The following NCAN variants were observed in gnomAD, a reference collection of about 807,000 sequenced individuals.
NCAN encodes the protein neurocan.
Under a neutral mutation model 121.8 loss-of-function variants are expected in NCAN, and 47 were observed. That is an observed-to-expected ratio of 0.39 (90% CI 0.31 to 0.49). NCAN has a LOEUF of 0.49. Among genes scored for constraint, NCAN ranks in the 20% least tolerant of loss-of-function variants. NCAN has a pLI of 0.92. For synonymous variants in NCAN, 633 were observed against 702.0 expected (o/e 0.90, Z 1.55); for missense variants, 1,517 against 1,773.4 (o/e 0.86, Z 2.60).
At chr19:19,214,403 G>A (rs2060788606) in intron 1 of NCAN, among the ~76,000 whole-genome samples, 1 of 152,204 alleles carries the variant, frequency 6.6e-6, no homozygotes, top group African/African-American at 2.4e-5. Context: ...AGAGAAGGGT[G>A]TGGGTGTGTG....
At chr19:19,234,143 G>C (rs2146548730) in intron 9 of NCAN, among the ~76,000 whole-genome samples, 2 of 152,270 alleles carry the variant, frequency 1.3e-5, no homozygotes, top group South Asian at 4.1e-4. Flanking sequence ...TCAGAGGTGG[G>C]AAGGAAAAGA....
intron 9 of NCAN, 77 bp downstream of exon 9, chr19:19,233,982 C>T: frequency 3.3e-6 from 3 of 905,090 alleles, no homozygotes; most frequent in Admixed American, 2.0e-5. Context: ...AGCAGCCATG[C>T]CCTCAGAATT....
Position 19,223,041 on chromosome 19 carries a change from G to A in NCAN, c.476-980G>A, listed in dbSNP as rs555175689. ...GGAGAATGGTGTGAACCCGGGAGGC[G>A]GAGCTTGCAGTGAGCTGAGATCGCG... On this transcript the variant is annotated intron_variant, in intron 3 of 14. Transcript: ENST00000252575. 3.2e-4 allele frequency among the ~76,000 whole-genome samples: 48 copies of A among 152,182 alleles called. No individual in the cohort carries two copies. The East Asian group carries it at 8.7e-3, about 28-fold the overall frequency.
chr19:19,216,186 T>C (rs2060795249), intron 1 of NCAN, among the ~76,000 whole-genome samples: 1 of 152,166 alleles, frequency 6.6e-6, no homozygotes, highest in Non-Finnish European at 1.5e-5. Flanking sequence ...TCTCGCGCTG[T>C]CACCCAGGCT....
intron 12 of NCAN, among the ~76,000 whole-genome samples, chr19:19,241,756 G>C (rs1179845775): frequency 1.3e-5 from 2 of 151,922 alleles, no homozygotes; most frequent in Non-Finnish European, 2.9e-5. Flanking sequence ...ATACCCAGAA[G>C]AATTGAAAAC....
At position 19,227,564 on chromosome 19, in the gene NCAN, C is replaced by T. The variant is rs2146543654; in HGVS notation, c.1944C>T (p.Thr648=). ...AAGAGTGGATGCTACCACACCCCACCCCCATCTCCACCGAGGCCAATAGAG... is the reference window on the plus strand; with the variant it reads ...AAGAGTGGATGCTACCACACCCCACTCCCATCTCCACCGAGGCCAATAGAG... ...GPKEWMLPHP[T]PISTEANRVE... is the part of the protein sequence containing the mutation. Residue 648 remains threonine (T), a synonymous_variant, in exon 8 of 15, where the codon ACC becomes ACT. Coordinates refer to ENST00000252575, the MANE Select transcript of NCAN (RefSeq NM_004386.3). This position sits in a 1 kb window ranked among gnomAD's most constrained non-coding sequence, Gnocchi z 4.2. The T allele has an allele frequency of 6.2e-7, 1 of 1,613,922 alleles. No individual in the cohort carries two copies. The highest frequency in any genetic ancestry group is 1.6e-4 in the Middle Eastern group (1 of 6,062).
intron 14 of NCAN, 33 bp downstream of exon 14, chr19:19,248,915 G>A: frequency 6.2e-7 from 1 of 1,603,692 alleles, no homozygotes; most frequent in Non-Finnish European, 8.5e-7. Flanking sequence ...CTCAACATAG[G>A]TTTTTGGTAT....
Position 19,234,984 on chromosome 19 carries a change from C to T in NCAN, c.3138C>T (p.Asp1046=). 2 of 1,605,252 alleles carry T rather than the reference C, an allele frequency of 1.2e-6. No individual in the cohort carries two copies. The highest frequency in any genetic ancestry group is 1.1e-5 in the South Asian group (1 of 90,508). ...QGFAGENCEI[D]IDDCLCSPCE... is the part of the protein sequence containing the mutation. ...TCAGTCTCTTCCCCTCTCTGCCAGA[C>T]ATTGATGACTGCCTCTGCAGCCCCT... Residue 1046 remains aspartate (D), a splice_region_variant and synonymous_variant, in exon 10 of 15, where the codon GAC becomes GAT. Coordinates refer to ENST00000252575, the MANE Select transcript of NCAN (RefSeq NM_004386.3).
chr19:19,219,920 G>C lies in NCAN; in HGVS notation c.475+604G>C, dbSNP rs370084698. Among the ~76,000 whole-genome samples, 16 of 151,608 alleles carry C rather than the reference G, an allele frequency of 1.1e-4. 1 individual carries two copies. The South Asian group carries it at 1.7e-3, about 16-fold the overall frequency. ...TGCATGCCTGTGATCCCAGCTACTT[G>C]GGAGGCTGAGGCAGGAGAACTGCTT... On this transcript the variant is annotated intron_variant, in intron 3 of 14. Coordinates refer to ENST00000252575, the MANE Select transcript of NCAN (RefSeq NM_004386.3).
chr19:19,238,331 A>G lies in NCAN; in HGVS notation c.3329A>G (p.Glu1110Gly). The G allele has an allele frequency of 6.2e-7, 1 of 1,614,188 alleles. No individual in the cohort carries two copies. The highest frequency in any genetic ancestry group is 1.1e-5 in the South Asian group (1 of 91,086). ...TATTTTGCCCACCGGAGGGCATGGGAAGATGCCGAGAAGGACTGCCGCCGC... is the reference window on the plus strand; with the variant it reads ...TATTTTGCCCACCGGAGGGCATGGGGAGATGCCGAGAAGGACTGCCGCCGC... ...YRYFAHRRAWEDAEKDCRRRS... is the reference protein window; with the variant it reads ...YRYFAHRRAWGDAEKDCRRRS... The change falls in exon 11 of 15, where the codon GAA becomes GGA. Residue 1110 changes from glutamate (E) to glycine (G), a missense_variant. Transcript: ENST00000252575.
rs569628000 is a variant in NCAN at position 19,228,437 on chromosome 19, C to A, written c.2817C>A (p.Gly939=). The A allele has an allele frequency of 6.2e-7, 1 of 1,613,640 alleles. No homozygotes were observed. The highest frequency in any genetic ancestry group is 1.3e-5 in the African/African-American group (1 of 75,030). The part of the protein sequence containing the change: ...PPGTPTAASV[G]ESASVSSGEP... ...GGACACCGACTGCAGCCAGTGTGGG[C>A]GAGTCTGCCTCAGTTTCCTCAGGGG... is the stretch of plus-strand genomic sequence containing the variant. The change falls in exon 8 of 15, where the codon GGC becomes GGA. Residue 939 remains glycine, a synonymous_variant. Coordinates refer to ENST00000252575, the MANE Select transcript of NCAN (RefSeq NM_004386.3).
In NCAN at chr19:19,225,188, G is replaced by A. The variant is rs767960740; in HGVS notation, c.990G>A (p.Pro330=). The A allele has an allele frequency of 9.0e-6, 14 of 1,553,064 alleles. No individual in the cohort carries two copies. Among genetic ancestry groups the A allele is most frequent in the Non-Finnish European group, 9.5e-6 (11 of 1,160,764 alleles). The change falls in exon 6 of 15, where the codon CCG becomes CCA. Residue 330 remains proline, a synonymous_variant. Coordinates refer to ENST00000252575, the MANE Select transcript of NCAN (RefSeq NM_004386.3). This position sits in a 1 kb window ranked among gnomAD's most constrained non-coding sequence, Gnocchi z 4.0. ...TPRRRCGGPA[P]GVRTVYRFAN... ...GCCGGCGCTGCGGGGGCCCAGCCCCGGGCGTGCGCACCGTCTACCGCTTCG... is the reference window on the plus strand; with the variant it reads ...GCCGGCGCTGCGGGGGCCCAGCCCCAGGCGTGCGCACCGTCTACCGCTTCG...
In NCAN at chr19:19,227,846, G is replaced by C. The variant is rs757832063; in HGVS notation, c.2226G>C (p.Glu742Asp). The C allele has an allele frequency of 6.2e-7, 1 of 1,613,660 alleles. No individual in the cohort carries two copies. Among genetic ancestry groups the C allele is most frequent in the Admixed American group, 1.7e-5 (1 of 60,010 alleles). Residue 742 changes from glutamate to aspartate, a missense_variant, in exon 8 of 15, where the codon GAG becomes GAC. Coordinates refer to ENST00000252575, the MANE Select transcript of NCAN (RefSeq NM_004386.3). The surrounding 1 kb of genome is among the most constrained non-coding windows in gnomAD (Gnocchi z 4.2). ...TGGCTGTAGGTTTTGTCCCCACTGA[G>C]ACTGCCACTGAGCCAACGGGCCTCA... ...RNVAVGFVPTETATEPTGLRG... is the reference protein window; with the variant it reads ...RNVAVGFVPTDTATEPTGLRG...
Position 19,224,103 on chromosome 19 carries a change from A to G in NCAN, c.558A>G (p.Ser186=). The part of the protein sequence containing the change: ...AEAQEACRLS[S]AIIAAPRHLQ... ...CCCAGGAGGCCTGCCGTCTCAGCTC[A>G]GCCATCATTGCAGCCCCTCGGCATC... The change falls in exon 4 of 15, where the codon TCA becomes TCG. Residue 186 remains serine, a synonymous_variant. Transcript: ENST00000252575. The G allele has an allele frequency of 6.2e-7, 1 of 1,608,682 alleles. No homozygotes were observed. Among genetic ancestry groups the G allele is most frequent in the South Asian group, 1.1e-5 (1 of 90,752 alleles).
chr19:19,229,532 C>A (rs187958604), intron 8 of NCAN, among the ~76,000 whole-genome samples: 1 of 152,288 alleles, frequency 6.6e-6, no homozygotes, highest in Non-Finnish European at 1.5e-5. Flanking sequence ...CGAGAATCAC[C>A]CCCATTCTAC....
Position 19,225,023 on chromosome 19 carries a change from C to A in NCAN, c.825C>A (p.Gly275=). 6.7e-7 allele frequency: 1 copy of A among 1,481,998 alleles called. No homozygotes were observed. The highest frequency in any genetic ancestry group is 8.9e-7 in the Non-Finnish European group (1 of 1,124,668). 91.8% of individuals were successfully genotyped at this position (1,481,998 alleles called of 1,614,324 possible). ...VGPARRLTLA[G]ARAQCRRQGA... is the part of the protein sequence containing the mutation. ...CGGCCCGCCGCCTGACACTGGCCGG[C>A]GCGCGTGCACAGTGCCGCCGCCAGG... Residue 275 remains glycine (G), a synonymous_variant, in exon 6 of 15, where the codon GGC becomes GGA. Coordinates refer to ENST00000252575, the MANE Select transcript of NCAN (RefSeq NM_004386.3). This position sits in a 1 kb window ranked among gnomAD's most constrained non-coding sequence, Gnocchi z 4.0.
chr19:19,229,417 G>A (rs2060850309), intron 8 of NCAN, among the ~76,000 whole-genome samples: 1 of 152,192 alleles, frequency 6.6e-6, no homozygotes, highest in Non-Finnish European at 1.5e-5. Flanking sequence ...GCATGGCAGG[G>A]AGGGTTTCCT....
intron 12 of NCAN, among the ~76,000 whole-genome samples, chr19:19,241,644 C>T (rs955097425): frequency 1.3e-5 from 2 of 152,002 alleles, no homozygotes; most frequent in East Asian, 1.9e-4. Context: ...GGAATCCAGC[C>T]TGGGCAACAC....
At chr19:19,230,265 G>A (rs575198999) in intron 8 of NCAN, among the ~76,000 whole-genome samples, 85 of 151,914 alleles carry the variant, frequency 5.6e-4, no homozygotes, top group Non-Finnish European at 9.0e-4. Flanking sequence ...GGCTGGTCCC[G>A]AACTCCTGAC....
Sources: allele counts gnomAD v4.1 joint callset (sites outside exome capture counted in the v4.1 genomes callset), GRCh38; gene constraint gnomAD v4.1.1; non-coding constraint Gnocchi (gnomAD v3.1); transcripts MANE v1.5; gene names NCBI Gene and HGNC (gene_info 2026-07-23, HGNC 2026-07-21).